EXD3: variants seen among roughly 807,000 people sequenced by gnomAD.
EXD3 encodes exonuclease mut-7 homolog.
A neutral mutation model predicts 98.0 loss-of-function variants in EXD3; 92 were observed. The observed-to-expected ratio is 0.94, with a 90% confidence interval of 0.79 to 1.12. EXD3 has a LOEUF of 1.12. Ranked by LOEUF, EXD3 falls within the 50% of genes most tolerant of loss-of-function variation. The probability of loss-of-function intolerance (pLI) is 0.00; values close to 1 mark genes in which losing one functional copy is unlikely to be tolerated. For synonymous variants in EXD3, 569 were observed against 526.0 expected, an observed-to-expected ratio of 1.08 and a Z score of -1.12; for missense variants, 1,222 against 1,191.6, an observed-to-expected ratio of 1.03 and a Z score of -0.38.
intron 1 of EXD3, among the ~76,000 whole-genome samples, chr9:137,409,469 C>G (rs1366004605): frequency 2.0e-5 from 3 of 152,192 alleles, no homozygotes; most frequent in African/African-American, 7.2e-5. Flanking sequence ...TTGATCCCAC[C>G]ACTTTGGGAG....
chr9:137,420,109 G>A (rs1186203974), intron 1 of EXD3, among the ~76,000 whole-genome samples: 3 of 151,534 alleles, frequency 2.0e-5, no homozygotes, highest in East Asian at 2.0e-4. Context: ...GCAGTGAGCC[G>A]AGATTGTACC....
At chr9:137,368,241 G>A (rs1835373451) in intron 5 of EXD3, among the ~76,000 whole-genome samples, 1 of 152,242 alleles carries the variant, frequency 6.6e-6, no homozygotes, top group South Asian at 2.1e-4. Flanking sequence ...GGGGCAGCAG[G>A]GACTCAAGGG....
At chr9:137,351,560 A>C in intron 12 of EXD3, 32 bp from the exon 13 acceptor site, 1 of 1,554,288 alleles carries the variant, frequency 6.4e-7, no homozygotes, top group Non-Finnish European at 8.7e-7. Context: ...TGTGATCATC[A>C]GGGCCAACTT....
At chr9:137,321,661 C>T (rs769476849) in intron 19 of EXD3, among the ~76,000 whole-genome samples, 7 of 152,106 alleles carry the variant, frequency 4.6e-5, no homozygotes, top group Non-Finnish European at 1.0e-4. Flanking sequence ...CCAGCCTGGG[C>T]GATGGAGTGA....
At chr9:137,368,068 T>C (rs1036491958) in intron 5 of EXD3, 79 bp from the exon 6 acceptor site, 72 of 1,183,928 alleles carry the variant, frequency 6.1e-5, no homozygotes, top group Non-Finnish European at 6.9e-5. Flanking sequence ...GCTACCACCC[T>C]TTTGCACCAG....
intron 19 of EXD3, among the ~76,000 whole-genome samples, chr9:137,316,148 GCC>G (rs1412834850): frequency 7.9e-5 from 12 of 151,432 alleles, no homozygotes; most frequent in Non-Finnish European, 1.2e-4. Context: ...AGGGGCGGCG[GCC>G]GTGAGAACCC....
Position 137,354,703 on chromosome 9 carries a change from C to T in EXD3, c.828G>A (p.Val276=), listed in dbSNP as rs887007274. The T allele has an allele frequency of 6.2e-7, 1 of 1,610,884 alleles. No homozygotes were observed. Among genetic ancestry groups the T allele is most frequent in the South Asian group, 1.1e-5 (1 of 91,084 alleles). The stretch of plus-strand genomic sequence containing the variant: ...GGACCCCCTCCTGCTCACGAACCTC[C>T]ACAAACCGCTTGTGGCACAGGTGCC... ...ALRHLCHKRF[V]EKSLSQENWT... The change falls in exon 9 of 22, where the codon GTG becomes GTA. Residue 276 remains valine (V), a synonymous_variant. Transcript: ENST00000340951.
At chr9:137,390,090 C>T (rs1212998956) in intron 2 of EXD3, among the ~76,000 whole-genome samples, 1 of 121,660 alleles carries the variant, frequency 8.2e-6, no homozygotes, top group East Asian at 2.4e-4. Flanking sequence ...ACATTGCACT[C>T]CGGCCTGGGT....
intron 5 of EXD3, among the ~76,000 whole-genome samples, chr9:137,368,557 G>T (rs1010301785): frequency 1.3e-5 from 2 of 152,216 alleles, no homozygotes; most frequent in Non-Finnish European, 2.9e-5. Flanking sequence ...CCGCCTGCAC[G>T]TACCACGGGC....
chr9:137,385,059 T>C lies in EXD3; in HGVS notation c.56-1682A>G, dbSNP rs2131728533. Among the ~76,000 whole-genome samples, 1 of 152,216 alleles carries C rather than the reference T, an allele frequency of 6.6e-6. No homozygotes were observed. Among genetic ancestry groups the C allele is most frequent in the South Asian group, 2.1e-4 (1 of 4,776 alleles). On this transcript the variant is annotated intron_variant, in intron 2 of 21. Transcript: ENST00000340951. This position sits in a 1 kb window ranked among gnomAD's most constrained non-coding sequence, Gnocchi z 4.4. Reference sequence around the variant, plus strand: ...GTGAGCCGAGATCGGGCCACTGCACTCCAGCCTGGGCAACAGAGCGAGACT... The same window carrying C: ...GTGAGCCGAGATCGGGCCACTGCACCCCAGCCTGGGCAACAGAGCGAGACT...
At chr9:137,355,506 A>AGGAGGACGGAGGAAGGAGGAT (rs1834633315) in intron 8 of EXD3, among the ~76,000 whole-genome samples, 4 of 80,620 alleles carry the variant, frequency 5.0e-5, no homozygotes, top group Non-Finnish European at 7.5e-5. Flanking sequence ...GGAAGGAGGA[A>AGGAGGACGGAGGAAGGAGGAT]GGAGGAAGGA....
At chr9:137,418,377 G>A (rs1352904438) in intron 1 of EXD3, among the ~76,000 whole-genome samples, 3 of 152,210 alleles carry the variant, frequency 2.0e-5, no homozygotes, top group African/African-American at 7.2e-5. Flanking sequence ...ACAAACAAAC[G>A]TCTGAGTCAT....
intron 2 of EXD3, among the ~76,000 whole-genome samples, chr9:137,394,753 C>T (rs1347458099): frequency 6.6e-6 from 1 of 152,188 alleles, no homozygotes; most frequent in African/African-American, 2.4e-5. Flanking sequence ...AGGTGCCTCT[C>T]ATTTCTCTTT....
intron 7 of EXD3, among the ~76,000 whole-genome samples, chr9:137,363,728 A>G (rs529198123): frequency 1.3e-5 from 2 of 152,278 alleles, no homozygotes; most frequent in African/African-American, 4.8e-5. Context: ...AAAGCTTTAA[A>G]CTGTGGATAT....
intron 1 of EXD3, among the ~76,000 whole-genome samples, chr9:137,414,207 G>A (rs1269527711): frequency 1.3e-5 from 2 of 152,014 alleles, no homozygotes; most frequent in Non-Finnish European, 2.9e-5. Flanking sequence ...GTGAGCCACC[G>A]CGCCCGGCCA....
rs760671637 is a variant in EXD3 at position 137,324,134 on chromosome 9, G to T, written c.2008C>A (p.Gln670Lys). Residue 670 changes from glutamine to lysine, a missense_variant, in exon 18 of 22, where the codon CAG becomes AAG. Coordinates refer to ENST00000340951, the MANE Select transcript of EXD3 (RefSeq NM_017820.5). The surrounding 1 kb of genome is among the most constrained non-coding windows in gnomAD (Gnocchi z 4.1). ...GACGTCAGAATGATCCTCCCCTCCTGCCTGGCAACCTGTGTGGGAGGTGCG... is the reference window on the plus strand; with the variant it reads ...GACGTCAGAATGATCCTCCCCTCCTTCCTGGCAACCTGTGTGGGAGGTGCG... ...DHRRAAEVAR[Q>K]EGRIILTSGQ... 1.3e-6 allele frequency: 2 copies of T among 1,581,734 alleles called. No homozygotes were observed. Among genetic ancestry groups the T allele is most frequent in the Non-Finnish European group, 1.7e-6 (2 of 1,164,552 alleles).
Position 137,403,533 on chromosome 9 carries a change from AC to A in EXD3, c.-47-8130del, listed in dbSNP as rs1837573852. Among the ~76,000 whole-genome samples, 1 of 151,772 alleles carries A rather than the reference AC, an allele frequency of 6.6e-6. No homozygotes were observed. Among genetic ancestry groups the A allele is most frequent in the African/African-American group, 2.4e-5 (1 of 41,316 alleles). On this transcript the variant is annotated intron_variant, in intron 1 of 21. Transcript: ENST00000340951. The surrounding 1 kb of genome is among the most constrained non-coding windows in gnomAD (Gnocchi z 6.1). ...CCCCAGGTCCGTTTCAGCCCTCCAG[AC>A]GCCCGTACCCAGGAAACCTGGGCCT...
chr9:137,393,355 G>C lies in EXD3; in HGVS notation c.55+1948C>G, dbSNP rs1001493944. The C allele has an allele frequency of 1.5e-6, 1 of 666,228 alleles. No homozygotes were observed. The highest frequency in any genetic ancestry group is 1.8e-5 in the African/African-American group (1 of 56,180). 41.3% of individuals were successfully genotyped at this position (666,228 alleles called of 1,614,324 possible). A position where few individuals can be genotyped will look rare whatever the true frequency, so the allele number is the denominator to read the frequency against. On this transcript the variant is annotated intron_variant, in intron 2 of 21. Coordinates refer to ENST00000340951, the MANE Select transcript of EXD3 (RefSeq NM_017820.5). This position sits in a 1 kb window ranked among gnomAD's most constrained non-coding sequence, Gnocchi z 4.6. Reference sequence around the variant, plus strand: ...TCATCCCACACAGGTGCAGGCCCGGGGCCCGCAGATGGCCTCAGAGGAGGC... The same window carrying C: ...TCATCCCACACAGGTGCAGGCCCGGCGCCCGCAGATGGCCTCAGAGGAGGC...
Position 137,393,813 on chromosome 9 carries a change from G to C in EXD3, c.55+1490C>G, listed in dbSNP as rs1037727423. ...GGTGGAACTGGGCAAAGGCCAGGGG[G>C]CGGTGAGTGAAAAGGCAGTAAACCC... On this transcript the variant is annotated intron_variant, in intron 2 of 21. Transcript: ENST00000340951. The surrounding 1 kb of genome is among the most constrained non-coding windows in gnomAD (Gnocchi z 4.6). Among the ~76,000 whole-genome samples, 15 of 152,164 alleles carry C rather than the reference G, an allele frequency of 9.9e-5. No homozygotes were observed. Among genetic ancestry groups the C allele is most frequent in the African/African-American group, 3.1e-4 (13 of 41,428 alleles).
Sources: allele counts gnomAD v4.1 joint callset (sites outside exome capture counted in the v4.1 genomes callset), GRCh38; gene constraint gnomAD v4.1.1; non-coding constraint Gnocchi (gnomAD v3.1); transcripts MANE v1.5; gene names NCBI Gene and HGNC (gene_info 2026-07-23, HGNC 2026-07-21).